Variants in SYN3 observed in about 807,000 individuals in gnomAD.
SYN3 encodes synapsin-3.
In SYN3, 35 loss-of-function variants were observed where a neutral mutation model predicts 65.8. That is an observed-to-expected ratio of 0.53 (90% CI 0.41 to 0.70). The LOEUF is 0.70. Among genes scored for constraint, SYN3 ranks in the 30% least tolerant of loss-of-function variants. SYN3 has a pLI of 0.00. For missense variants in SYN3, 680 were observed against 749.0 expected (o/e 0.91, Z 1.08); for synonymous variants, 270 against 292.9 (o/e 0.92, Z 0.80).
intron 7 of SYN3, among the ~76,000 whole-genome samples, chr22:32,595,716 G>A (rs536962458): frequency 6.6e-6 from 1 of 152,214 alleles, no homozygotes; most frequent in South Asian, 2.1e-4. Flanking sequence ...GATCATGGGG[G>A]CAGATTTTCT....
chr22:33,044,916 C>T (rs1282219561), intron 1 of SYN3, among the ~76,000 whole-genome samples: 2 of 151,018 alleles, frequency 1.3e-5, no homozygotes, highest in Non-Finnish European at 2.9e-5. Flanking sequence ...GATCTCGGCT[C>T]ACCACAACCT....
chr22:32,819,517 C>T (rs1005387021), intron 6 of SYN3, among the ~76,000 whole-genome samples: 3 of 152,220 alleles, frequency 2.0e-5, no homozygotes, highest in African/African-American at 7.2e-5. Context: ...ATGCTATGGA[C>T]AGATTCTCTC....
chr22:32,733,722 G>A (rs2061300897), intron 6 of SYN3, among the ~76,000 whole-genome samples: 1 of 149,012 alleles, frequency 6.7e-6, no homozygotes, highest in Non-Finnish European at 1.5e-5. Context: ...AGTACAAATG[G>A]CTGAAAGTTC....
At chr22:32,883,968 AT>A (rs1353328256) in intron 4 of SYN3, among the ~76,000 whole-genome samples, 3 of 152,200 alleles carry the variant, frequency 2.0e-5, no homozygotes, top group Non-Finnish European at 4.4e-5. Context: ...TGGCCAATCA[AT>A]GGCTGCTGGA....
At chr22:32,749,855 C>A (rs1023344947) in intron 6 of SYN3, among the ~76,000 whole-genome samples, 1 of 152,166 alleles carries the variant, frequency 6.6e-6, no homozygotes, top group African/African-American at 2.4e-5. Flanking sequence ...CCAGGTCAAA[C>A]TTAGCATGCC....
intron 1 of SYN3, chr22:33,015,334 A>G (rs1274742694): frequency 1.5e-6 from 1 of 682,448 alleles, no homozygotes; most frequent in East Asian, 4.7e-5. Flanking sequence ...GACGTGAAGA[A>G]TCCAGAGAAG....
chr22:32,763,454 T>C (rs931986297), intron 6 of SYN3, among the ~76,000 whole-genome samples: 3 of 152,202 alleles, frequency 2.0e-5, no homozygotes, highest in Admixed American at 6.5e-5. Flanking sequence ...CCTGGCCAAG[T>C]GCTCTAATCT....
At chr22:32,843,697 G>A (rs891653944) in intron 6 of SYN3, among the ~76,000 whole-genome samples, 1 of 152,136 alleles carries the variant, frequency 6.6e-6, no homozygotes, top group Non-Finnish European at 1.5e-5. Flanking sequence ...GGCCGAAGAT[G>A]CGAGCCCATG....
chr22:32,883,919 C>A (rs768924108), intron 4 of SYN3, among the ~76,000 whole-genome samples: 3 of 152,206 alleles, frequency 2.0e-5, no homozygotes, highest in Non-Finnish European at 4.4e-5. Context: ...CATCAGACAT[C>A]ACTGATTACA....
intron 6 of SYN3, among the ~76,000 whole-genome samples, chr22:32,676,072 T>TA (rs2060436816): frequency 1.3e-5 from 2 of 151,954 alleles, no homozygotes; most frequent in South Asian, 4.2e-4. Flanking sequence ...GGATGAAGAC[T>TA]ACCTGAAAGG....
At chr22:32,752,404 C>T (rs989039871) in intron 6 of SYN3, among the ~76,000 whole-genome samples, 2 of 152,216 alleles carry the variant, frequency 1.3e-5, no homozygotes, top group South Asian at 2.1e-4. Context: ...TCCTCCTCCA[C>T]GGAGCCACCT....
chr22:32,555,291 C>A (rs756973675), intron 7 of SYN3, among the ~76,000 whole-genome samples: 8 of 152,194 alleles, frequency 5.3e-5, no homozygotes, highest in Non-Finnish European at 1.0e-4. Flanking sequence ...AGGGGACATC[C>A]CATCTCCCCT....
At chr22:32,612,586 A>C (rs2059460279) in intron 6 of SYN3, among the ~76,000 whole-genome samples, 1 of 152,232 alleles carries the variant, frequency 6.6e-6, no homozygotes, top group Non-Finnish European at 1.5e-5. Context: ...TCACGCCTGA[A>C]ATCCCAACAT....
At chr22:32,648,517 T>G (rs1373110886) in intron 6 of SYN3, among the ~76,000 whole-genome samples, 1 of 152,218 alleles carries the variant, frequency 6.6e-6, no homozygotes, top group Non-Finnish European at 1.5e-5. Flanking sequence ...AAACCCGGAC[T>G]TAAAGTTTTG....
In SYN3 at chr22:32,833,035, A is replaced by C. The variant is rs2047623797; in HGVS notation, c.711+31880T>G. On this transcript the variant is annotated intron_variant, in intron 6 of 13. Coordinates refer to ENST00000358763, the MANE Select transcript of SYN3 (RefSeq NM_003490.4). ...GGCGTGAGCCACCGCGCCCAGCAAGATCTACCTTCTTAACACATTTTTTAA... is the reference window on the plus strand; with the variant it reads ...GGCGTGAGCCACCGCGCCCAGCAAGCTCTACCTTCTTAACACATTTTTTAA... Among the ~76,000 whole-genome samples, 4 of 152,180 alleles carry C rather than the reference A, an allele frequency of 2.6e-5. No homozygotes were observed. In the South Asian group the frequency reaches 8.3e-4, roughly 31 times the overall value.
At chr22:32,910,243 AC>A (rs1325038883) in intron 4 of SYN3, among the ~76,000 whole-genome samples, 2 of 152,136 alleles carry the variant, frequency 1.3e-5, no homozygotes, top group Non-Finnish European at 1.5e-5. Context: ...AAACATTTTT[AC>A]TTGGAATTTT....
At chr22:32,759,800 G>C (rs1207635983) in intron 6 of SYN3, among the ~76,000 whole-genome samples, 1 of 50,268 alleles carries the variant, frequency 2.0e-5, no homozygotes, top group Admixed American at 2.7e-4. Flanking sequence ...CAGCACCCAC[G>C]CACCACCAGC....
At chr22:32,998,712 G>T (rs1024390707) in intron 2 of SYN3, among the ~76,000 whole-genome samples, 2 of 139,154 alleles carry the variant, frequency 1.4e-5, no homozygotes, top group Non-Finnish European at 3.0e-5. Context: ...TATTTTTTGG[G>T]TCATGTTAAA....
chr22:32,985,135 G>A (rs954816365), intron 2 of SYN3, among the ~76,000 whole-genome samples: 1 of 152,198 alleles, frequency 6.6e-6, no homozygotes, highest in Admixed American at 6.5e-5. Flanking sequence ...AGGAAATGAG[G>A]CTCATAGTAG....
Sources: gnomAD v4.1 joint callset for allele counts (sites outside exome capture counted in the v4.1 genomes callset) on GRCh38, gnomAD v4.1.1 for gene constraint, MANE v1.5 for transcripts, NCBI Gene and HGNC (gene_info 2026-07-23, HGNC 2026-07-21) for gene names.